Variants in LRRK1 observed in about 807,000 individuals in gnomAD.
LRRK1 encodes leucine rich repeat kinase 1.
In LRRK1, 113 loss-of-function variants were observed where a neutral mutation model predicts 209.1. That is an observed-to-expected ratio of 0.54 (90% CI 0.46 to 0.63). The LOEUF (loss-of-function observed/expected upper bound fraction) is 0.63, where lower values mean the gene tolerates loss of function less well. Ranked by LOEUF, LRRK1 falls within the 30% of genes least tolerant of loss-of-function variation. The pLI, the probability that LRRK1 is intolerant of heterozygous loss-of-function variation, is 0.00. For synonymous variants in LRRK1, 1,144 were observed against 1,099.7 expected (o/e 1.04, Z -0.80); for missense variants, 2,284 against 2,632.2 (o/e 0.87, Z 2.89).
intron 31 of LRRK1, 159 bp from the exon 32 acceptor site, chr15:101,065,193 T>C (rs2141162729): frequency 2.7e-6 from 2 of 737,986 alleles, no homozygotes; most frequent in Non-Finnish European, 2.2e-6. Flanking sequence ...TCTTTAGGAG[T>C]AGCCCCGGCC....
At chr15:100,985,939 C>T (rs561585383) in intron 4 of LRRK1, among the ~76,000 whole-genome samples, 3 of 152,124 alleles carry the variant, frequency 2.0e-5, no homozygotes, top group South Asian at 2.1e-4. Context: ...TGGCTCATGC[C>T]TGTAATCCCA....
chr15:100,924,769 C>T (rs763023660), intron 2 of LRRK1, 40 bp downstream of exon 2: 46 of 1,483,542 alleles, frequency 3.1e-5, no homozygotes, highest in Non-Finnish European at 4.0e-5. Flanking sequence ...TGGGTGTGAC[C>T]TGCCATGCTC....
At chr15:101,021,807 TGTGTGTA>T in intron 13 of LRRK1, 31 bp from the exon 14 acceptor site, 14 of 728,490 alleles carry the variant, frequency 1.9e-5, no homozygotes, top group Admixed American at 1.3e-4. Flanking sequence ...TGTGTGTGTG[TGTGTGTA>T]TTCTCTCGTG....
chr15:100,950,075 C>T (rs72765030), intron 2 of LRRK1, among the ~76,000 whole-genome samples: 15 of 152,168 alleles, frequency 9.9e-5, no homozygotes, highest in South Asian at 8.3e-4. Context: ...CTATATTTTC[C>T]GGTGACATCA....
chr15:100,941,608 G>A (rs549537514), intron 2 of LRRK1, among the ~76,000 whole-genome samples: 1 of 152,154 alleles, frequency 6.6e-6, no homozygotes, highest in Non-Finnish European at 1.5e-5. Context: ...TCAGATGCTT[G>A]CGGGTGCCTG....
intron 2 of LRRK1, among the ~76,000 whole-genome samples, chr15:100,961,999 CT>C (rs2030006479): frequency 6.6e-6 from 1 of 152,186 alleles, no homozygotes; most frequent in Non-Finnish European, 1.5e-5. Context: ...TTCCATGAGA[CT>C]TCCTTGCTCT....
At chr15:100,996,292 G>C (rs1183601807) in intron 6 of LRRK1, among the ~76,000 whole-genome samples, 2 of 152,256 alleles carry the variant, frequency 1.3e-5, no homozygotes, top group African/African-American at 4.8e-5. Context: ...TGCTGCTGTA[G>C]GAGCCAACGT....
At chr15:100,958,394 G>C (rs1426154868) in intron 2 of LRRK1, among the ~76,000 whole-genome samples, 1 of 152,210 alleles carries the variant, frequency 6.6e-6, no homozygotes, top group African/African-American at 2.4e-5. Context: ...GTCTGGAGTT[G>C]ATGTTTGGGT....
intron 29 of LRRK1, among the ~76,000 whole-genome samples, chr15:101,060,577 G>A (rs2036109919): frequency 6.6e-6 from 1 of 152,254 alleles, no homozygotes; most frequent in Admixed American, 6.5e-5. Flanking sequence ...CTGAGGGACA[G>A]AGCTGCGTGA....
intron 12 of LRRK1, 113 bp from the exon 13 acceptor site, chr15:101,020,940 G>C: frequency 8.5e-7 from 1 of 1,173,102 alleles, no homozygotes; most frequent in Non-Finnish European, 1.2e-6. Context: ...GTTCTGATAG[G>C]CTTGCCAAAA....
intron 20 of LRRK1, among the ~76,000 whole-genome samples, chr15:101,041,032 T>G (rs1280572510): frequency 1.3e-5 from 2 of 152,250 alleles, no homozygotes; most frequent in African/African-American, 4.8e-5. Context: ...TCTACCTCTC[T>G]CTCCAGTTCT....
At chr15:101,034,408 C>T (rs1015618355) in intron 20 of LRRK1, among the ~76,000 whole-genome samples, 2 of 152,076 alleles carry the variant, frequency 1.3e-5, no homozygotes, top group Non-Finnish European at 2.9e-5. Flanking sequence ...AGGCTTTAAT[C>T]CATTTTGAGT....
intron 12 of LRRK1, 50 bp downstream of exon 12, chr15:101,015,452 C>T: frequency 8.5e-6 from 12 of 1,417,850 alleles, no homozygotes; most frequent in Non-Finnish European, 1.2e-5. Context: ...GCCGGGGTAG[C>T]CTGGTTCCTG....
At chr15:101,038,767 T>A (rs1012735991) in intron 20 of LRRK1, among the ~76,000 whole-genome samples, 9 of 152,200 alleles carry the variant, frequency 5.9e-5, no homozygotes, top group African/African-American at 2.2e-4. Flanking sequence ...CAGAGGCAAG[T>A]CTGAAATGCC....
rs532547364 is a variant in LRRK1, at chr15:101,011,277, G to A, written c.1281+440G>A. 5.2e-4 allele frequency among the ~76,000 whole-genome samples: 78 copies of A among 151,382 alleles called. 1 individual carries two copies. The South Asian group carries it at 0.016, about 31-fold the overall frequency. Reference sequence around the variant, plus strand: ...AGGTCAGGAGATTGAGACCATCCTGGCCAACATGGTGAAACCCCGTCTCTA... The same window carrying A: ...AGGTCAGGAGATTGAGACCATCCTGACCAACATGGTGAAACCCCGTCTCTA... On this transcript the variant is annotated intron_variant, in intron 9 of 33. Transcript: ENST00000388948.
rs374701916 is a variant in LRRK1 at position 100,924,588 on chromosome 15, A to G, written c.-45A>G. On this transcript the variant is annotated 5_prime_UTR_variant, in exon 2 of 34. It removes the in-frame stop codon of an upstream open reading frame in the 5' UTR. Transcript: ENST00000388948. ...CCCACAGCCAGCGGCAGTGGCAGTG[A>G]CAACAGCGGGACCTGCCTTTGAAGA... 1.9e-6 allele frequency: 3 copies of G among 1,572,390 alleles called. No individual in the cohort carries two copies. The highest frequency in any genetic ancestry group is 1.7e-6 in the Non-Finnish European group (2 of 1,142,864).
chr15:100,965,589 T>C (rs1204804304), intron 2 of LRRK1, among the ~76,000 whole-genome samples: 2 of 152,230 alleles, frequency 1.3e-5, no homozygotes, highest in Non-Finnish European at 2.9e-5. Flanking sequence ...GCACATGTGC[T>C]GACTCCATAA....
intron 2 of LRRK1, among the ~76,000 whole-genome samples, chr15:100,931,488 A>C (rs987534714): frequency 6.6e-6 from 1 of 152,240 alleles, no homozygotes; most frequent in Non-Finnish European, 1.5e-5. Flanking sequence ...ATTGAATGTA[A>C]GTGGACAGGA....
chr15:101,043,953 G>A (rs2034908452), intron 20 of LRRK1: 1 of 152,132 alleles, frequency 6.6e-6, no homozygotes, highest in African/African-American at 2.4e-5. Context: ...ATCCAGTATT[G>A]ACAGTCCAGT....
Sources: allele counts gnomAD v4.1 joint callset (sites outside exome capture counted in the v4.1 genomes callset), GRCh38; gene constraint gnomAD v4.1.1; transcripts MANE v1.5; gene names NCBI Gene and HGNC (gene_info 2026-07-23, HGNC 2026-07-21).